TRPC3: variants seen among roughly 807,000 people sequenced by gnomAD.
TRPC3 encodes transient receptor potential cation channel subfamily C member 3.
A neutral mutation model predicts 90.9 loss-of-function variants in TRPC3; 54 were observed. The ratio of observed to expected loss-of-function variants is 0.59; its 90% CI spans 0.48 to 0.75. TRPC3 has a LOEUF of 0.75. Ranked by LOEUF, TRPC3 falls within the 30% of genes least tolerant of loss-of-function variation. The pLI, the probability that TRPC3 is intolerant of heterozygous loss-of-function variation, is 0.00. For synonymous variants in TRPC3, 424 were observed against 450.9 expected, an observed-to-expected ratio of 0.94 and a Z score of 0.75; for missense variants, 918 against 1,194.5, an observed-to-expected ratio of 0.77 and a Z score of 3.41.
At chr4:121,897,954 G>A (rs977863487) in intron 10 of TRPC3, among the ~76,000 whole-genome samples, 3 of 152,084 alleles carry the variant, frequency 2.0e-5, no homozygotes, top group East Asian at 3.8e-4. Context: ...TATACACAAC[G>A]GAATGCAATT....
At chr4:121,886,088 C>T (rs77884670) in intron 10 of TRPC3, among the ~76,000 whole-genome samples, 8,825 of 152,176 alleles carry the variant, frequency 0.058, 331 homozygotes, top group South Asian at 0.15. Flanking sequence ...TTCAACCCTC[C>T]GTTAAGACTG....
At chr4:121,907,788 T>C (rs1728940653) in intron 6 of TRPC3, among the ~76,000 whole-genome samples, 1 of 152,114 alleles carries the variant, frequency 6.6e-6, no homozygotes, top group Admixed American at 6.6e-5. Flanking sequence ...ATAAAGATAC[T>C]AAGCTGACTC....
At chr4:121,880,308 G>A (rs533546642) in intron 11 of TRPC3, among the ~76,000 whole-genome samples, 2 of 152,216 alleles carry the variant, frequency 1.3e-5, no homozygotes, top group African/African-American at 4.8e-5. Flanking sequence ...TACTAAAAAT[G>A]AATCAATCTA....
In TRPC3 at chr4:121,951,440, G is replaced by C; in HGVS notation, c.215+26C>G. ...CGCCCGGCACCGCCCTCCGAGGCGC[G>C]GGCCGCGGCCGGGCCCGGTACTCAC... is the stretch of plus-strand genomic sequence containing the variant. On this transcript the variant is annotated intron_variant, in intron 1 of 11. Transcript: ENST00000379645. This position sits in a 1 kb window ranked among gnomAD's most constrained non-coding sequence, Gnocchi z 4.4. 8.4e-7 allele frequency: 1 copy of C among 1,190,016 alleles called. No homozygotes were observed. Among genetic ancestry groups the C allele is most frequent in the Non-Finnish European group, 1.0e-6 (1 of 960,434 alleles). The allele number at this position is 1,190,016 out of a possible 1,614,324, so 73.7% of individuals were successfully genotyped here.
chr4:121,912,606 T>G (rs1729147467), intron 4 of TRPC3, among the ~76,000 whole-genome samples: 1 of 152,186 alleles, frequency 6.6e-6, no homozygotes, highest in Non-Finnish European at 1.5e-5. Context: ...CAAAATCAAG[T>G]TATACCTGGT....
chr4:121,916,332 T>C (rs1729316415), intron 3 of TRPC3, among the ~76,000 whole-genome samples: 1 of 152,210 alleles, frequency 6.6e-6, no homozygotes, highest in African/African-American at 2.4e-5. Flanking sequence ...GTGCACCCAG[T>C]GTAAAGTCCA....
chr4:121,887,945 C>T (rs539940993), intron 10 of TRPC3, among the ~76,000 whole-genome samples: 80 of 152,002 alleles, frequency 5.3e-4, no homozygotes, highest in African/African-American at 1.8e-3. Flanking sequence ...CTTCAACATG[C>T]TATTAATAAT....
chr4:121,947,041 G>A (rs1308267302), intron 1 of TRPC3, among the ~76,000 whole-genome samples: 1 of 151,766 alleles, frequency 6.6e-6, no homozygotes, highest in African/African-American at 2.4e-5. Flanking sequence ...CAAGTAGTCA[G>A]TTATGGTAGT....
At chr4:121,927,670 G>T (rs1349473192) in intron 2 of TRPC3, among the ~76,000 whole-genome samples, 1 of 152,140 alleles carries the variant, frequency 6.6e-6, no homozygotes, top group African/African-American at 2.4e-5. Flanking sequence ...AAGAGAGACT[G>T]TTTAAAGGCT....
intron 11 of TRPC3, among the ~76,000 whole-genome samples, chr4:121,882,122 A>C (rs995716136): frequency 1.3e-5 from 2 of 152,148 alleles, no homozygotes; most frequent in African/African-American, 4.8e-5. Context: ...TTACATTCTA[A>C]GAATCAGTTA....
At chr4:121,926,434 T>C (rs951448240) in intron 2 of TRPC3, among the ~76,000 whole-genome samples, 6 of 150,646 alleles carry the variant, frequency 4.0e-5, no homozygotes, top group Admixed American at 3.3e-4. Flanking sequence ...TTAGATGGAG[T>C]CTTGCTCTGT....
chr4:121,915,316 A>G (rs1729270880), intron 3 of TRPC3, among the ~76,000 whole-genome samples: 1 of 152,236 alleles, frequency 6.6e-6, no homozygotes, highest in Non-Finnish European at 1.5e-5. Flanking sequence ...TTCAGTTCAA[A>G]ATGGAAAAGA....
chr4:121,885,403 G>C (rs1254778319), intron 10 of TRPC3, among the ~76,000 whole-genome samples: 1 of 152,064 alleles, frequency 6.6e-6, no homozygotes, highest in South Asian at 2.1e-4. Flanking sequence ...TCTGGCTCTG[G>C]TTTTCTTTAA....
In TRPC3 at chr4:121,878,796, T is replaced by C. The variant is rs2149101125; in HGVS notation, c.*940A>G. On this transcript the variant is annotated 3_prime_UTR_variant, in exon 12 of 12. Coordinates refer to ENST00000379645, the MANE Select transcript of TRPC3 (RefSeq NM_001130698.2). Reference sequence around the variant, plus strand: ...GGCCATGTCTTTCCAAGTACGCCCATAGTCACTGCTCTTTCCTATTTCTTC... The same window carrying C: ...GGCCATGTCTTTCCAAGTACGCCCACAGTCACTGCTCTTTCCTATTTCTTC... 6.6e-6 allele frequency among the ~76,000 whole-genome samples: 1 copy of C among 152,270 alleles called. No individual in the cohort carries two copies. The highest frequency in any genetic ancestry group is 2.1e-4 in the South Asian group (1 of 4,820).
At chr4:121,947,947 C>G (rs1184963538) in intron 1 of TRPC3, among the ~76,000 whole-genome samples, 2 of 152,104 alleles carry the variant, frequency 1.3e-5, no homozygotes, top group Non-Finnish European at 2.9e-5. Flanking sequence ...GAAGAGTGTG[C>G]ATCGATGTTA....
In TRPC3 at chr4:121,878,961, A is replaced by G. The variant is rs1727846586; in HGVS notation, c.*775T>C. 1 of 152,180 alleles carries G rather than the reference A, an allele frequency of 6.6e-6. No homozygotes were observed. The highest frequency in any genetic ancestry group is 2.4e-5 in the African/African-American group (1 of 41,454). 9.4% of individuals were successfully genotyped at this position (152,180 alleles called of 1,614,324 possible). ...AAAATGACAACCCTGCATAACCCCC[A>G]ACTTAAAAGAAAATCACATTACTGA... On this transcript the variant is annotated 3_prime_UTR_variant, in exon 12 of 12. Transcript: ENST00000379645.
chr4:121,905,402 A>C (rs1728845590), intron 7 of TRPC3, among the ~76,000 whole-genome samples: 1 of 152,054 alleles, frequency 6.6e-6, no homozygotes, highest in Non-Finnish European at 1.5e-5. Flanking sequence ...AGCAGAATGA[A>C]AGATTCCTGT....
At chr4:121,948,898 T>G (rs999000118) in intron 1 of TRPC3, among the ~76,000 whole-genome samples, 3 of 152,068 alleles carry the variant, frequency 2.0e-5, no homozygotes, top group African/African-American at 7.3e-5. Flanking sequence ...CGGAACTGAT[T>G]TTACTCTAAT....
chr4:121,915,689 C>T (rs759044993), intron 3 of TRPC3, among the ~76,000 whole-genome samples: 51 of 152,110 alleles, frequency 3.4e-4, no homozygotes, highest in Non-Finnish European at 6.9e-4. Flanking sequence ...TTCAGCCCAG[C>T]CATTTGATTT....
Sources: gnomAD v4.1 joint callset for allele counts (sites outside exome capture counted in the v4.1 genomes callset) on GRCh38, gnomAD v4.1.1 for gene constraint, Gnocchi (gnomAD v3.1) non-coding constraint, MANE v1.5 for transcripts, NCBI Gene and HGNC (gene_info 2026-07-23, HGNC 2026-07-21) for gene names.